CLTC: variants seen among roughly 807,000 people sequenced by gnomAD.
CLTC encodes clathrin heavy chain.
CLTC carries 16 observed loss-of-function variants against 195.8 expected under a neutral mutation model. The observed-to-expected ratio is 0.08, with a 90% CI of 0.06 to 0.12. CLTC has a LOEUF of 0.12. CLTC is among the 10% of genes least tolerant of loss of function. The pLI, the probability that CLTC is intolerant of heterozygous loss-of-function variation, is 1.00. For synonymous variants in CLTC, 667 were observed against 689.4 expected, an observed-to-expected ratio of 0.97 and a Z score of 0.51; for missense variants, 796 against 2,027.0, an observed-to-expected ratio of 0.39 and a Z score of 11.66.
At position 59,670,606 on chromosome 17, in the gene CLTC, A is replaced by G. The variant is rs2032827890; in HGVS notation, c.2292+1666A>G. On this transcript the variant is annotated intron_variant, in intron 14 of 31. Transcript: ENST00000269122. Reference sequence around the variant, plus strand: ...AAATGATTTCTTTTTGTTTTTATTGAGCCCTCAGCTTCTATGCTTAAATTG... The same window carrying G: ...AAATGATTTCTTTTTGTTTTTATTGGGCCCTCAGCTTCTATGCTTAAATTG... 4.6e-5 allele frequency among the ~76,000 whole-genome samples: 7 copies of G among 152,100 alleles called. No individual in the cohort carries two copies. The South Asian group carries it at 1.4e-3, about 32-fold the overall frequency.
rs1046812472 is a variant in CLTC at position 59,679,441 on chromosome 17, G to A, written c.2841G>A (p.Leu947=). Residue 947 remains leucine, a synonymous_variant, in exon 18 of 32, where the codon CTG becomes CTA. Coordinates refer to ENST00000269122, the MANE Select transcript of CLTC (RefSeq NM_004859.4). ...TCTTCAAAAGTCTTTCTCGCTACCT[G>A]GTACGTCGAAAGGATCCAGAATTGT... is the stretch of plus-strand genomic sequence containing the variant. The part of the protein sequence containing the change: ...NSLFKSLSRY[L]VRRKDPELWG... 10 of 1,608,880 alleles carry A rather than the reference G, an allele frequency of 6.2e-6. No homozygotes were observed. In the African/African-American group the frequency reaches 1.3e-4, roughly 22 times the overall value.
chr17:59,648,101 C>T lies in CLTC; in HGVS notation c.520-139C>T. 1.2e-6 allele frequency: 1 copy of T among 800,872 alleles called. No individual in the cohort carries two copies. The highest frequency in any genetic ancestry group is 2.1e-5 in the South Asian group (1 of 46,526). The allele number at this position is 800,872 out of a possible 1,614,324, so 49.6% of individuals were successfully genotyped here. A position where few individuals can be genotyped will look rare whatever the true frequency, so the allele number is the denominator to read the frequency against. ...GATTTTAAGTTAAGAAGTATCAAAT[C>T]TACAGTGAGAGATGAAGTGACAAAT... is the stretch of plus-strand genomic sequence containing the variant. On this transcript the variant is annotated intron_variant, in intron 3 of 31. Coordinates refer to ENST00000269122, the MANE Select transcript of CLTC (RefSeq NM_004859.4). This position sits in a 1 kb window ranked among gnomAD's most constrained non-coding sequence, Gnocchi z 4.5.
At position 59,648,153 on chromosome 17, in the gene CLTC, A is replaced by T; in HGVS notation, c.520-87A>T. 1 of 1,214,298 alleles carries T rather than the reference A, an allele frequency of 8.2e-7. No homozygotes were observed. The highest frequency in any genetic ancestry group is 1.6e-5 in the South Asian group (1 of 60,868). The allele number at this position is 1,214,298 out of a possible 1,614,324, so 75.2% of individuals were successfully genotyped here. On this transcript the variant is annotated intron_variant, in intron 3 of 31. Coordinates refer to ENST00000269122, the MANE Select transcript of CLTC (RefSeq NM_004859.4). The surrounding 1 kb of genome is among the most constrained non-coding windows in gnomAD (Gnocchi z 4.5). ...ATTATAAATCCTGCTAAAGATGACA[A>T]AGCATTCTAATTATTTCATTACTTG...
chr17:59,625,120 T>C (rs1227948295), intron 1 of CLTC, among the ~76,000 whole-genome samples: 2 of 151,168 alleles, frequency 1.3e-5, no homozygotes, highest in Non-Finnish European at 3.0e-5. Context: ...TTTTTTTTTC[T>C]TTTTTTTTGA....
chr17:59,641,636 C>T (rs2032038950), intron 1 of CLTC, among the ~76,000 whole-genome samples: 2 of 138,542 alleles, frequency 1.4e-5, no homozygotes, highest in South Asian at 2.5e-4. Flanking sequence ...AAGAGTTTGT[C>T]ACTTGCCTCC....
In CLTC at chr17:59,694,190, ACT is replaced by A; in HGVS notation, c.*341_*342del. The A allele has an allele frequency of 4.4e-6, 1 of 228,262 alleles. No individual in the cohort carries two copies. Among genetic ancestry groups the A allele is most frequent in the East Asian group, 6.5e-5 (1 of 15,292 alleles). The allele number at this position is 228,262 out of a possible 1,614,324, so 14.1% of individuals were successfully genotyped here. A position where few individuals can be genotyped will look rare whatever the true frequency, so the allele number is the denominator to read the frequency against. ...CTGTAGTGTTTAAAGAAACAAAGAA[ACT>A]CTAATATTGAATCTCTTAAATTTAG... On this transcript the variant is annotated 3_prime_UTR_variant, in exon 32 of 32. Transcript: ENST00000269122.
chr17:59,688,541 G>C (rs1372384696), intron 30 of CLTC, among the ~76,000 whole-genome samples: 3 of 152,040 alleles, frequency 2.0e-5, no homozygotes, highest in African/African-American at 7.2e-5. Context: ...ATCTAAATTG[G>C]ATCAGTGGAA....
intron 1 of CLTC, among the ~76,000 whole-genome samples, chr17:59,620,627 C>T (rs954549958): frequency 7.2e-4 from 10 of 13,948 alleles, no homozygotes; most frequent in Non-Finnish European, 2.6e-4. Context: ...AGTTGTGGGG[C>T]GGGTGGGTTG....
Position 59,681,280 on chromosome 17 carries a change from T to C in CLTC, c.3066-15T>C. On this transcript the variant is annotated splice_polypyrimidine_tract_variant and intron_variant, in intron 19 of 31. Coordinates refer to ENST00000269122, the MANE Select transcript of CLTC (RefSeq NM_004859.4). This position sits in a 1 kb window ranked among gnomAD's most constrained non-coding sequence, Gnocchi z 5.0. ...TTAAAATATTGCATTTAAAATATTC[T>C]TTTTTTTCTTAAAGGAATCTGCAAA... 1 of 1,580,450 alleles carries C rather than the reference T, an allele frequency of 6.3e-7. No homozygotes were observed. Among genetic ancestry groups the C allele is most frequent in the Non-Finnish European group, 8.6e-7 (1 of 1,163,750 alleles).
At position 59,666,959 on chromosome 17, in the gene CLTC, T is replaced by A; in HGVS notation, c.2110T>A (p.Ser704Thr). The change falls in exon 13 of 32, where the codon TCT becomes ACT. Residue 704 changes from serine to threonine, a missense_variant. This residue lies in a region of CLTC where 19 missense variants were observed against 35.7 expected (regional missense o/e 0.53). Transcript: ENST00000269122. The surrounding 1 kb of genome is among the most constrained non-coding windows in gnomAD (Gnocchi z 4.9). The part of the protein sequence containing the change: ...STQSLIELFE[S>T]FKSFEGLFYF... Reference sequence around the variant, plus strand: ...TCAGTCTCTGATTGAACTTTTTGAATCTTTCAAGAGTTTTGAAGGTAATTA... The same window carrying A: ...TCAGTCTCTGATTGAACTTTTTGAAACTTTCAAGAGTTTTGAAGGTAATTA... The A allele has an allele frequency of 6.2e-7, 1 of 1,612,828 alleles. No homozygotes were observed. Among genetic ancestry groups the A allele is most frequent in the Non-Finnish European group, 8.5e-7 (1 of 1,179,558 alleles).
At chr17:59,627,190 C>A (rs772538630) in intron 1 of CLTC, among the ~76,000 whole-genome samples, 2 of 152,158 alleles carry the variant, frequency 1.3e-5, no homozygotes, top group South Asian at 2.1e-4. Context: ...TGTGAGACAC[C>A]AAGCCTTGTC....
intron 2 of CLTC, among the ~76,000 whole-genome samples, chr17:59,646,811 T>C (rs2032207663): frequency 6.6e-6 from 1 of 152,204 alleles, no homozygotes; most frequent in Admixed American, 6.5e-5. Flanking sequence ...CTCCCTCTCC[T>C]TTCCTCCAGC....
chr17:59,662,102 TAAA>T (rs200777495), intron 8 of CLTC, among the ~76,000 whole-genome samples: 2 of 138,022 alleles, frequency 1.4e-5, no homozygotes, highest in Non-Finnish European at 3.2e-5. Flanking sequence ...GACTCGGTCT[TAAA>T]AAAAAAAAAA....
chr17:59,654,827 T>A (rs1039878205), intron 5 of CLTC, among the ~76,000 whole-genome samples: 7 of 152,258 alleles, frequency 4.6e-5, no homozygotes, highest in Admixed American at 6.5e-5. Context: ...GATAGTTACA[T>A]AAATTCAAAA....
chr17:59,682,360 G>A lies in CLTC; in HGVS notation c.3532G>A (p.Ala1178Thr). Residue 1178 changes from alanine to threonine, a missense_variant, in exon 22 of 32, where the codon GCT becomes ACT. Physicochemically the swap from Ala to Thr is moderately conservative, Grantham distance 58. This residue lies in a region of CLTC where 50 missense variants were observed against 77.2 expected (regional missense o/e 0.65). Coordinates refer to ENST00000269122, the MANE Select transcript of CLTC (RefSeq NM_004859.4). This position sits in a 1 kb window ranked among gnomAD's most constrained non-coding sequence, Gnocchi z 6.8. ...YVETELIFAL[A>T]KTNRLAELEE... ...GGAGACAGAACTGATATTCGCACTG[G>A]CTAAAACAAACCGCCTTGCAGAGTT... 6.2e-7 allele frequency: 1 copy of A among 1,614,132 alleles called. No homozygotes were observed. Among genetic ancestry groups the A allele is most frequent in the Non-Finnish European group, 8.5e-7 (1 of 1,179,984 alleles).
At chr17:59,676,180 C>T (rs532873171) in intron 16 of CLTC, among the ~76,000 whole-genome samples, 2 of 152,118 alleles carry the variant, frequency 1.3e-5, no homozygotes, top group African/African-American at 4.8e-5. Context: ...GCTTGGGCAA[C>T]AGAAGACCCT....
At chr17:59,690,553 A>G (rs2033273126) in intron 30 of CLTC, 83 bp from the exon 31 acceptor site, 1 of 911,634 alleles carries the variant, frequency 1.1e-6, no homozygotes, top group Middle Eastern at 2.3e-4. Context: ...AATTTAACAT[A>G]CTAAGGCTTT....
At chr17:59,649,749 C>A (rs2032284845) in intron 4 of CLTC, among the ~76,000 whole-genome samples, 1 of 152,068 alleles carries the variant, frequency 6.6e-6, no homozygotes, top group South Asian at 2.1e-4. Context: ...TTCACGATAG[C>A]CCCTGAATTG....
intron 1 of CLTC, among the ~76,000 whole-genome samples, chr17:59,627,780 A>G (rs538460574): frequency 6.6e-6 from 1 of 152,326 alleles, no homozygotes; most frequent in East Asian, 1.9e-4. Context: ...TCCCTCTCAT[A>G]AGACTGAACT....
Sources: gnomAD v4.1 joint callset for allele counts (sites outside exome capture counted in the v4.1 genomes callset) on GRCh38, gnomAD v4.1.1 for gene constraint, gnomAD v4.1.1 regional missense constraint, Gnocchi (gnomAD v3.1) non-coding constraint, MANE v1.5 for transcripts, NCBI Gene and HGNC (gene_info 2026-07-23, HGNC 2026-07-21) for gene names.